Variants in CACNA1C observed in about 807,000 individuals in gnomAD.
The protein encoded by CACNA1C is voltage-dependent L-type calcium channel subunit alpha-1C.
A neutral mutation model predicts 229.0 loss-of-function variants in CACNA1C; 30 were observed. The ratio of observed to expected loss-of-function variants is 0.13; its 90% CI spans 0.10 to 0.18. The LOEUF (loss-of-function observed/expected upper bound fraction) is 0.18. Ranked by LOEUF, CACNA1C falls within the 10% of genes least tolerant of loss-of-function variation. CACNA1C has a pLI of 1.00. For missense variants in CACNA1C, 1,658 were observed against 2,845.0 expected (o/e 0.58, Z 9.49); for synonymous variants, 1,114 against 1,132.5 (o/e 0.98, Z 0.33).
chr12:2,594,476 A>C (rs1243702356), intron 19 of CACNA1C, among the ~76,000 whole-genome samples: 1 of 152,206 alleles, frequency 6.6e-6, no homozygotes, highest in Non-Finnish European at 1.5e-5. Flanking sequence ...ATTACTGTTT[A>C]AACCAATTTT....
chr12:2,262,880 T>C (rs1330075962), intron 3 of CACNA1C, among the ~76,000 whole-genome samples: 1 of 151,442 alleles, frequency 6.6e-6, no homozygotes, highest in Non-Finnish European at 1.5e-5. Context: ...CTGGGCATTG[T>C]TGTAGGTGCA....
intron 3 of CACNA1C, among the ~76,000 whole-genome samples, chr12:2,283,174 G>A (rs564707387): frequency 6.6e-6 from 1 of 152,294 alleles, no homozygotes; most frequent in East Asian, 1.9e-4. Flanking sequence ...TCCACATTTT[G>A]ATCAAGCTGC....
chr12:2,438,083 A>G (rs1596271238), intron 3 of CACNA1C, among the ~76,000 whole-genome samples: 2 of 130,070 alleles, frequency 1.5e-5, no homozygotes, highest in Admixed American at 7.7e-5. Context: ...TGATGGTGGT[A>G]ATGGTGGTGG....
intron 3 of CACNA1C, among the ~76,000 whole-genome samples, chr12:2,164,376 T>G (rs1194016985): frequency 6.6e-6 from 1 of 152,240 alleles, no homozygotes; most frequent in Non-Finnish European, 1.5e-5. Flanking sequence ...CCAGGTTTTG[T>G]TGCCAGGGCA....
chr12:2,397,274 T>C (rs1043011996), intron 3 of CACNA1C, among the ~76,000 whole-genome samples: 1 of 152,232 alleles, frequency 6.6e-6, no homozygotes, highest in African/African-American at 2.4e-5. Context: ...TTTGTTTGGC[T>C]TTTTGCTTGT....
intron 3 of CACNA1C, among the ~76,000 whole-genome samples, chr12:2,157,618 G>A (rs193254212): frequency 1.0e-3 from 156 of 152,346 alleles, no homozygotes; most frequent in African/African-American, 2.9e-3. Flanking sequence ...CCAACAGGGC[G>A]TTCCAGCTGT....
chr12:2,228,056 G>C (rs536653938), intron 3 of CACNA1C, among the ~76,000 whole-genome samples: 1 of 152,292 alleles, frequency 6.6e-6, no homozygotes, highest in Non-Finnish European at 1.5e-5. Context: ...AGGGGCAGCA[G>C]GAAGAAGAGT....
intron 3 of CACNA1C, among the ~76,000 whole-genome samples, chr12:2,368,851 C>A (rs2097782708): frequency 6.6e-6 from 1 of 151,882 alleles, no homozygotes; most frequent in African/African-American, 2.4e-5. Context: ...AATAACCAGA[C>A]CAAATTTACC....
At chr12:2,680,505 G>T (rs1050145082) in intron 42 of CACNA1C, 3 of 1,570,920 alleles carry the variant, frequency 1.9e-6, no homozygotes, top group Non-Finnish European at 2.6e-6. Context: ...GCCTGGCCAC[G>T]CTTCACTGTG....
chr12:2,421,437 A>G (rs2098978185), intron 3 of CACNA1C, among the ~76,000 whole-genome samples: 1 of 152,246 alleles, frequency 6.6e-6, no homozygotes, highest in Non-Finnish European at 1.5e-5. Context: ...TTTGAGGGAC[A>G]AATGGGATTC....
At chr12:2,068,137 A>C (rs907794286) in intron 1 of CACNA1C, among the ~76,000 whole-genome samples, 6 of 152,208 alleles carry the variant, frequency 3.9e-5, no homozygotes, top group Admixed American at 3.9e-4. Flanking sequence ...CAAGAAAAAT[A>C]TGATATCCTG....
Position 2,294,967 on chromosome 12 carries a change from C to G in CACNA1C, c.478-154009C>G, listed in dbSNP as rs189849993. Among the ~76,000 whole-genome samples the G allele has an allele frequency of 5.3e-3, 808 of 152,236 alleles. 4 individuals are homozygous for G. Among genetic ancestry groups the G allele is most frequent in the Non-Finnish European group, 8.4e-3 (569 of 68,028 alleles). On this transcript the variant is annotated intron_variant, in intron 3 of 46. Coordinates refer to ENST00000399655, the MANE Select transcript of CACNA1C (RefSeq NM_000719.7). ...CGCACAGTTCTGTGTTGTGCCTCTC[C>G]CGGGGAAGGGGTGTATTTGGCCTGT...
Position 2,278,535 on chromosome 12 carries a change from A to G in CACNA1C, c.477+158105A>G, listed in dbSNP as rs118004017. On this transcript the variant is annotated intron_variant, in intron 3 of 46. Coordinates refer to ENST00000399655, the MANE Select transcript of CACNA1C (RefSeq NM_000719.7). Reference sequence around the variant, plus strand: ...TCTTGACTGCCTTCCTTCATTCAGCATAATTATTTTGAGGTTTACACATGT... The same window carrying G: ...TCTTGACTGCCTTCCTTCATTCAGCGTAATTATTTTGAGGTTTACACATGT... 9.3e-3 allele frequency among the ~76,000 whole-genome samples: 1,423 copies of G among 152,280 alleles called. 10 individuals are homozygous for G. Among genetic ancestry groups the G allele is most frequent in the Middle Eastern group, 0.017 (5 of 294 alleles).
intron 9 of CACNA1C, among the ~76,000 whole-genome samples, chr12:2,530,884 T>A (rs907212405): frequency 6.6e-6 from 1 of 152,208 alleles, no homozygotes; most frequent in African/African-American, 2.4e-5. Flanking sequence ...GTGACATCTT[T>A]AGGGGGTGGC....
In CACNA1C at chr12:2,223,121, A is replaced by T. The variant is rs534239949; in HGVS notation, c.477+102691A>T. On this transcript the variant is annotated intron_variant, in intron 3 of 46. Coordinates refer to ENST00000399655, the MANE Select transcript of CACNA1C (RefSeq NM_000719.7). ...GATTGTTCAAGGACAGGGATATCCT[A>T]CTTGGCTCTGCAAGACTCATAGCAT... Among the ~76,000 whole-genome samples the T allele has an allele frequency of 2.6e-5, 4 of 152,332 alleles. No homozygotes were observed. In the South Asian group the frequency reaches 6.2e-4, roughly 24 times the overall value.
At chr12:2,269,708 C>T (rs759968896) in intron 3 of CACNA1C, 9 of 152,078 alleles carry the variant, frequency 5.9e-5, no homozygotes, top group African/African-American at 1.7e-4. Flanking sequence ...GATGGTTCAA[C>T]GGAACAGAGT....
chr12:2,295,147 T>G (rs1401857752), intron 3 of CACNA1C, among the ~76,000 whole-genome samples: 3 of 152,172 alleles, frequency 2.0e-5, no homozygotes, highest in Non-Finnish European at 2.9e-5. Context: ...AACCACCCCG[T>G]GCCCTTCAGT....
intron 5 of CACNA1C, among the ~76,000 whole-genome samples, chr12:2,481,644 G>A (rs769095220): frequency 1.8e-4 from 27 of 152,200 alleles, no homozygotes; most frequent in Non-Finnish European, 2.4e-4. Context: ...CCAAACTAGC[G>A]AGACTGAATT....
At chr12:2,147,895 G>A (rs1008188226) in intron 3 of CACNA1C, among the ~76,000 whole-genome samples, 2 of 151,180 alleles carry the variant, frequency 1.3e-5, no homozygotes, top group East Asian at 3.9e-4. Flanking sequence ...ATTGTCAGTT[G>A]TGCAGAATCC....
Sources: gnomAD v4.1 joint callset for allele counts (sites outside exome capture counted in the v4.1 genomes callset) on GRCh38, gnomAD v4.1.1 for gene constraint, MANE v1.5 for transcripts, NCBI Gene and HGNC (gene_info 2026-07-23, HGNC 2026-07-21) for gene names.